ANK2: variants seen among roughly 807,000 people sequenced by gnomAD.
The protein encoded by ANK2 is ankyrin-2.
Under a neutral mutation model 360.5 loss-of-function variants are expected in ANK2, and 83 were observed. The ratio of observed to expected loss-of-function variants is 0.23; its 90% CI spans 0.19 to 0.28. ANK2 has a LOEUF of 0.28. Ranked by LOEUF, ANK2 falls within the 10% of genes least tolerant of loss-of-function variation. ANK2 has a pLI of 1.00. For synonymous variants in ANK2, 1,740 were observed against 1,759.5 expected (o/e 0.99, Z 0.28); for missense variants, 4,201 against 4,795.7 (o/e 0.88, Z 3.66).
At chr4:112,733,194 C>T in the ANK2 span, among the ~76,000 whole-genome samples, 15 of 151,898 alleles carry the variant, frequency 9.9e-5, no homozygotes, top group South Asian at 2.1e-4. Flanking sequence ...CCAGCATGGG[C>T]GACAAAACAA....
At chr4:112,958,855 C>CTTTTTCTTTTTCT (rs891349166) in intron 2 of ANK2, among the ~76,000 whole-genome samples, 17 of 150,758 alleles carry the variant, frequency 1.1e-4, no homozygotes, top group South Asian at 1.1e-3. Context: ...ATTTCTTTTT[C>CTTTTTCTTTTTCT]TTTTTTTTTG....
chr4:113,255,162 C>T (rs998514713), intron 10 of ANK2, among the ~76,000 whole-genome samples: 19 of 152,286 alleles, frequency 1.2e-4, no homozygotes, highest in African/African-American at 4.1e-4. Context: ...CCTACATTTG[C>T]CTCACACTCT....
the ANK2 span, among the ~76,000 whole-genome samples, chr4:112,728,806 T>A: frequency 6.6e-6 from 1 of 152,062 alleles, no homozygotes; most frequent in African/African-American, 2.4e-5. Flanking sequence ...TTGAGCAGAT[T>A]GATAATGAGT....
chr4:113,158,521 C>CAA (rs1161773801), intron 1 of ANK2, among the ~76,000 whole-genome samples: 6 of 152,004 alleles, frequency 3.9e-5, no homozygotes, highest in Admixed American at 1.3e-4. Flanking sequence ...TAAACCAAAT[C>CAA]AAAGTGGAGC....
At chr4:112,806,039 C>A in the ANK2 span, among the ~76,000 whole-genome samples, 57 of 152,262 alleles carry the variant, frequency 3.7e-4, no homozygotes, top group Admixed American at 9.8e-4. Context: ...CACAAGCATT[C>A]ATCATTTGTT....
intron 1 of ANK2, among the ~76,000 whole-genome samples, chr4:112,830,976 G>C (rs192248608): frequency 1.0e-3 from 159 of 152,298 alleles, no homozygotes; most frequent in African/African-American, 3.2e-3. Flanking sequence ...GGGTGCCCCG[G>C]GTCCCCCAGC....
intron 2 of ANK2, among the ~76,000 whole-genome samples, chr4:113,019,766 C>T (rs1000641023): frequency 6.6e-6 from 1 of 151,976 alleles, no homozygotes; most frequent in African/African-American, 2.4e-5. Context: ...AGTTAGATCA[C>T]TCATTTAAAA....
intron 4 of ANK2, among the ~76,000 whole-genome samples, chr4:113,208,155 C>T (rs566231246): frequency 6.6e-6 from 1 of 151,546 alleles, no homozygotes; most frequent in Non-Finnish European, 1.5e-5. Context: ...GGAACAAGCT[C>T]AGGATTCTGT....
chr4:113,318,186 C>T (rs2083954947), intron 25 of ANK2, among the ~76,000 whole-genome samples: 1 of 152,202 alleles, frequency 6.6e-6, no homozygotes, highest in African/African-American at 2.4e-5. Flanking sequence ...AAATTGTTAG[C>T]TATGAGAAAG....
At chr4:113,321,983 T>C (rs2086560737) in intron 26 of ANK2, among the ~76,000 whole-genome samples, 1 of 152,196 alleles carries the variant, frequency 6.6e-6, no homozygotes, top group Non-Finnish European at 1.5e-5. Context: ...TCACCTGCCT[T>C]GGCCTCCCAA....
chr4:112,985,322 A>G (rs1000259608), intron 2 of ANK2, among the ~76,000 whole-genome samples: 17 of 152,282 alleles, frequency 1.1e-4, no homozygotes, highest in Admixed American at 3.3e-4. Flanking sequence ...ACCACACAAC[A>G]CCCACCTACA....
chr4:112,958,785 A>T (rs1000397343), intron 2 of ANK2, among the ~76,000 whole-genome samples: 1 of 152,154 alleles, frequency 6.6e-6, no homozygotes, highest in Non-Finnish European at 1.5e-5. Context: ...TCTCAATGAT[A>T]ATGATTGTCT....
chr4:112,973,854 C>T (rs1343039225), intron 2 of ANK2, among the ~76,000 whole-genome samples: 1 of 152,196 alleles, frequency 6.6e-6, no homozygotes, highest in Non-Finnish European at 1.5e-5. Flanking sequence ...CACAGTCCAT[C>T]TGACTGGATA....
At chr4:113,034,747 T>C (rs1007597697) in intron 2 of ANK2, 2 of 151,962 alleles carry the variant, frequency 1.3e-5, no homozygotes, top group Non-Finnish European at 2.9e-5. Flanking sequence ...GCTACCATGA[T>C]GGGGAAATGT....
intron 1 of ANK2, among the ~76,000 whole-genome samples, chr4:113,101,864 A>G (rs1319644183): frequency 1.3e-5 from 2 of 152,124 alleles, no homozygotes; most frequent in East Asian, 1.9e-4. Flanking sequence ...GTCAGATGCA[A>G]GAATGAGGAC....
At chr4:113,012,758 C>G (rs968165185) in intron 2 of ANK2, among the ~76,000 whole-genome samples, 1 of 152,038 alleles carries the variant, frequency 6.6e-6, no homozygotes, top group African/African-American at 2.4e-5. Flanking sequence ...AAATGAAATC[C>G]TTCTTTAATT....
At chr4:112,806,588 G>C in the ANK2 span, among the ~76,000 whole-genome samples, 1 of 152,118 alleles carries the variant, frequency 6.6e-6, no homozygotes, top group African/African-American at 2.4e-5. Flanking sequence ...CCAGCGCTTT[G>C]GGAGGCTGAG....
intron 25 of ANK2, 49 bp from the exon 26 acceptor site, chr4:113,318,468 T>C (rs2153837093): frequency 6.9e-7 from 1 of 1,459,578 alleles, no homozygotes; most frequent in East Asian, 2.3e-5. Context: ...ATATTTTACT[T>C]TAATTGAAGC....
intron 4 of ANK2, among the ~76,000 whole-genome samples, chr4:113,220,695 G>C (rs1412357224): frequency 6.6e-6 from 1 of 152,174 alleles, no homozygotes; most frequent in Non-Finnish European, 1.5e-5. Context: ...AGTTATGTGA[G>C]AGTAAATAAA....
Sources: gnomAD v4.1 joint callset for allele counts (sites outside exome capture counted in the v4.1 genomes callset) on GRCh38, gnomAD v4.1.1 for gene constraint, MANE v1.5 for transcripts, NCBI Gene and HGNC (gene_info 2026-07-23, HGNC 2026-07-21) for gene names.